Variants in TSPAN9 observed in about 807,000 individuals in gnomAD.
TSPAN9 encodes tetraspanin 9, also known as tetraspanin-9.
In TSPAN9, 16 loss-of-function variants were observed where a neutral mutation model predicts 31.0. The observed-to-expected ratio is 0.52, with a 90% CI of 0.35 to 0.78. TSPAN9 has a LOEUF of 0.78. Among genes scored for constraint, TSPAN9 ranks in the 30% least tolerant of loss-of-function variants. TSPAN9 has a pLI of 0.01. For synonymous variants in TSPAN9, 145 were observed against 121.6 expected (o/e 1.19, Z -1.27); for missense variants, 272 against 312.5 (o/e 0.87, Z 0.98).
intron 2 of TSPAN9, among the ~76,000 whole-genome samples, chr12:3,155,614 G>T (rs1307987606): frequency 1.3e-5 from 2 of 150,620 alleles, no homozygotes; most frequent in Non-Finnish European, 1.5e-5. Context: ...AAAAAATAAA[G>T]AGGGAGCGAG....
Position 3,107,007 on chromosome 12 carries a change from C to G in TSPAN9, c.-18+23288C>G, listed in dbSNP as rs2098315028. On this transcript the variant is annotated intron_variant, in intron 2 of 8. Coordinates refer to ENST00000011898, the MANE Select transcript of TSPAN9 (RefSeq NM_006675.5). This position sits in a 1 kb window ranked among gnomAD's most constrained non-coding sequence, Gnocchi z 4.1. ...CATTTTGGGAAGGAAAGGCTCCCTC[C>G]TGGCTGCTCAGATCCCAGCGGGTTT... 6.6e-6 allele frequency among the ~76,000 whole-genome samples: 1 copy of G among 152,150 alleles called. No individual in the cohort carries two copies. Among genetic ancestry groups the G allele is most frequent in the Admixed American group, 6.5e-5 (1 of 15,280 alleles).
intron 2 of TSPAN9, among the ~76,000 whole-genome samples, chr12:3,133,705 T>G (rs956813137): frequency 6.6e-6 from 1 of 152,150 alleles, no homozygotes; most frequent in Admixed American, 6.5e-5. Flanking sequence ...TCTGCTCAAC[T>G]CTGGTGTGCA....
At chr12:3,257,762 T>C (rs1054018011) in intron 3 of TSPAN9, among the ~76,000 whole-genome samples, 1 of 109,884 alleles carries the variant, frequency 9.1e-6, no homozygotes, top group African/African-American at 3.2e-5. Flanking sequence ...TCAAGAGACT[T>C]TGGGCGGGAG....
At chr12:3,105,066 C>T (rs1234293158) in intron 2 of TSPAN9, among the ~76,000 whole-genome samples, 1 of 152,166 alleles carries the variant, frequency 6.6e-6, no homozygotes, top group Non-Finnish European at 1.5e-5. Context: ...AAATTGTTTC[C>T]AGATGAGGGG....
chr12:3,156,156 G>A (rs1023870278), intron 2 of TSPAN9, among the ~76,000 whole-genome samples: 1 of 152,188 alleles, frequency 6.6e-6, no homozygotes, highest in African/African-American at 2.4e-5. Flanking sequence ...CTGTGTCAGC[G>A]GCATTGAGAA....
intron 2 of TSPAN9, among the ~76,000 whole-genome samples, chr12:3,157,923 C>T (rs990183714): frequency 4.6e-5 from 7 of 152,128 alleles, no homozygotes; most frequent in African/African-American, 1.4e-4. Flanking sequence ...AGACGATGAG[C>T]GAAAACGCAC....
intron 2 of TSPAN9, among the ~76,000 whole-genome samples, chr12:3,103,405 A>G (rs1431566549): frequency 6.6e-6 from 1 of 151,048 alleles, no homozygotes; most frequent in Admixed American, 6.6e-5. Context: ...TTGCTCACTT[A>G]TGCTTTAGCT....
At chr12:3,098,660 C>T (rs894750670) in intron 2 of TSPAN9, among the ~76,000 whole-genome samples, 3 of 152,010 alleles carry the variant, frequency 2.0e-5, no homozygotes, top group Admixed American at 2.0e-4. Flanking sequence ...CTTCCTTTCC[C>T]AGTCATGAGG....
At chr12:3,241,938 C>T (rs986451367) in intron 3 of TSPAN9, among the ~76,000 whole-genome samples, 11 of 152,256 alleles carry the variant, frequency 7.2e-5, no homozygotes, top group Non-Finnish European at 1.6e-4. Flanking sequence ...GGGGCTCCAG[C>T]ACACAGGGGG....
Position 3,281,065 on chromosome 12 carries a change from C to G in TSPAN9, c.433-133C>G. 2.8e-6 allele frequency: 4 copies of G among 1,413,126 alleles called. No individual in the cohort carries two copies. In the South Asian group the frequency reaches 4.0e-5, roughly 14 times the overall value. The allele number at this position is 1,413,126 out of a possible 1,614,324, so 87.5% of individuals were successfully genotyped here. A position where few individuals can be genotyped will look rare whatever the true frequency, so the allele number is the denominator to read the frequency against. ...CCCAAAGAAGGGACAAGAAGCAAGCCCTTTGTCTCCTCCCTTAACTGCAGG... is the reference window on the plus strand; with the variant it reads ...CCCAAAGAAGGGACAAGAAGCAAGCGCTTTGTCTCCTCCCTTAACTGCAGG... On this transcript the variant is annotated intron_variant, in intron 6 of 8. Transcript: ENST00000011898.
At chr12:3,089,799 G>A (rs572675017) in intron 2 of TSPAN9, among the ~76,000 whole-genome samples, 37 of 152,124 alleles carry the variant, frequency 2.4e-4, no homozygotes, top group African/African-American at 8.2e-4. Context: ...CCAGCCACTC[G>A]GGAGGCTGAG....
chr12:3,220,279 A>G (rs2098383740), intron 3 of TSPAN9, among the ~76,000 whole-genome samples: 1 of 152,162 alleles, frequency 6.6e-6, no homozygotes, highest in Non-Finnish European at 1.5e-5. Context: ...GTGCTACCTT[A>G]TGTCTGACTG....
At chr12:3,253,486 A>T (rs1862291087) in intron 3 of TSPAN9, among the ~76,000 whole-genome samples, 1 of 152,130 alleles carries the variant, frequency 6.6e-6, no homozygotes, top group Admixed American at 6.5e-5. Context: ...TGTGGTGAGG[A>T]TGCAGTGAGA....
rs1350384746 is a variant in TSPAN9 at position 3,143,200 on chromosome 12, C to T, written c.-17-57977C>T. Among the ~76,000 whole-genome samples the T allele has an allele frequency of 6.7e-6, 1 of 150,188 alleles. No individual in the cohort carries two copies. The highest frequency in any genetic ancestry group is 2.5e-5 in the African/African-American group (1 of 40,014). ...CTCACTTGGAGAAGGTGATGTCTGC[C>T]AGGTATCTCCCGTATATAAAGTGGC... On this transcript the variant is annotated intron_variant, in intron 2 of 8. Transcript: ENST00000011898. This position sits in a 1 kb window ranked among gnomAD's most constrained non-coding sequence, Gnocchi z 4.2.
intron 2 of TSPAN9, among the ~76,000 whole-genome samples, chr12:3,179,196 A>G (rs1017691394): frequency 6.6e-6 from 1 of 152,084 alleles, no homozygotes; most frequent in Non-Finnish European, 1.5e-5. Context: ...TCCTGGAACC[A>G]TGGATGCCGC....
intron 3 of TSPAN9, among the ~76,000 whole-genome samples, chr12:3,272,093 T>C (rs1235804231): frequency 6.6e-6 from 1 of 152,212 alleles, no homozygotes; most frequent in Non-Finnish European, 1.5e-5. Context: ...TTTGAAAATT[T>C]CCTGCAAGCA....
At chr12:3,269,636 C>G (rs894066756) in intron 3 of TSPAN9, among the ~76,000 whole-genome samples, 1 of 152,206 alleles carries the variant, frequency 6.6e-6, no homozygotes, top group Non-Finnish European at 1.5e-5. Context: ...CAGCTGTGCC[C>G]TCTTGCTCAC....
intron 3 of TSPAN9, among the ~76,000 whole-genome samples, chr12:3,254,783 C>T (rs1862314644): frequency 6.6e-6 from 1 of 152,188 alleles, no homozygotes; most frequent in African/African-American, 2.4e-5. Flanking sequence ...TTCCCCAGTG[C>T]TGTCCTTATA....
chr12:3,235,337 G>A (rs1281255480), intron 3 of TSPAN9, among the ~76,000 whole-genome samples: 10 of 142,428 alleles, frequency 7.0e-5, no homozygotes, highest in Non-Finnish European at 9.1e-5. Context: ...GACCAACAGC[G>A]TGCTGTAGTG....
Sources: allele counts gnomAD v4.1 joint callset (sites outside exome capture counted in the v4.1 genomes callset), GRCh38; gene constraint gnomAD v4.1.1; non-coding constraint Gnocchi (gnomAD v3.1); transcripts MANE v1.5; gene names NCBI Gene and HGNC (gene_info 2026-07-23, HGNC 2026-07-21).